Variants in FZD6 observed in about 807,000 individuals in gnomAD.
FZD6 encodes the protein frizzled class receptor 6, also known as frizzled-6.
In FZD6, 49 loss-of-function variants were observed where a neutral mutation model predicts 61.4. That is an observed-to-expected ratio of 0.80 (90% CI 0.63 to 1.01). The LOEUF is 1.01. Among genes scored for constraint, FZD6 ranks in the 50% least tolerant of loss-of-function variants. The pLI is 0.00. For missense variants in FZD6, 724 were observed against 848.2 expected, an observed-to-expected ratio of 0.85 and a Z score of 1.82; for synonymous variants, 265 against 292.2, an observed-to-expected ratio of 0.91 and a Z score of 0.95.
At chr8:103,298,824 C>A, upstream of FZD6, 1 of 163,174 alleles carries the variant, frequency 6.1e-6, no homozygotes, top group Non-Finnish European at 1.3e-5. Context: ...CCCGGACCTG[C>A]CCGCCCGACC....
intron 2 of FZD6, among the ~76,000 whole-genome samples, chr8:103,301,402 A>G (rs1008507753): frequency 7.9e-5 from 12 of 152,230 alleles, no homozygotes; most frequent in Non-Finnish European, 1.6e-4. Flanking sequence ...TGATGGTTCA[A>G]TCTGATTCAA....
At chr8:103,319,565 T>C (rs1814723492) in intron 3 of FZD6, among the ~76,000 whole-genome samples, 1 of 152,214 alleles carries the variant, frequency 6.6e-6, no homozygotes, top group African/African-American at 2.4e-5. Context: ...CCTCCAACTC[T>C]GTCAGCCAGG....
chr8:103,314,078 G>A (rs766983283), intron 2 of FZD6, among the ~76,000 whole-genome samples: 11 of 152,032 alleles, frequency 7.2e-5, no homozygotes, highest in Non-Finnish European at 1.5e-4. Flanking sequence ...ACACAGTGCA[G>A]GAACATCAAC....
chr8:103,323,276 T>C (rs1814845451), intron 3 of FZD6, among the ~76,000 whole-genome samples: 1 of 152,192 alleles, frequency 6.6e-6, no homozygotes. Context: ...TATAATGTTA[T>C]ATTGCTTTAT....
intron 3 of FZD6, among the ~76,000 whole-genome samples, chr8:103,321,399 A>C (rs1398724293): frequency 2.0e-5 from 3 of 152,202 alleles, no homozygotes; most frequent in Non-Finnish European, 4.4e-5. Flanking sequence ...ATACTGGAGA[A>C]TATTTTTTCA....
At chr8:103,314,895 A>G (rs11998144) in intron 2 of FZD6, among the ~76,000 whole-genome samples, 9,870 of 152,244 alleles carry the variant, frequency 0.065, 422 homozygotes, top group African/African-American at 0.11. Context: ...TTTAAGGTGT[A>G]TACAGTGCTC....
intron 2 of FZD6, among the ~76,000 whole-genome samples, chr8:103,304,396 A>C (rs1814270337): frequency 6.6e-6 from 1 of 152,228 alleles, no homozygotes; most frequent in African/African-American, 2.4e-5. Context: ...ATGCAAGCTC[A>C]CAGACTCCTA....
intron 3 of FZD6, among the ~76,000 whole-genome samples, chr8:103,322,383 A>T (rs1008326737): frequency 6.6e-6 from 1 of 151,830 alleles, no homozygotes; most frequent in East Asian, 1.9e-4. Context: ...AAAAAAAAAA[A>T]AAAAAAAGAA....
At chr8:103,330,801 A>G (rs1403407379) in intron 6 of FZD6, among the ~76,000 whole-genome samples, 1 of 152,316 alleles carries the variant, frequency 6.6e-6, no homozygotes, top group Non-Finnish European at 1.5e-5. Context: ...GCCTTATTCT[A>G]TTCCCCACAA....
intron 2 of FZD6, among the ~76,000 whole-genome samples, chr8:103,311,681 TA>T (rs34828148): frequency 0.23 from 28,480 of 124,360 alleles, 3,151 homozygotes; most frequent in Middle Eastern, 0.34. Context: ...ACCTGTCTCT[TA>T]AAAAAAAAAA....
At chr8:103,302,229 G>T (rs1023888242) in intron 2 of FZD6, among the ~76,000 whole-genome samples, 1 of 151,958 alleles carries the variant, frequency 6.6e-6, no homozygotes, top group Non-Finnish European at 1.5e-5. Flanking sequence ...ATACTATTGT[G>T]TTTTTCCTAC....
intron 2 of FZD6, among the ~76,000 whole-genome samples, chr8:103,305,354 TA>T (rs1394194420): frequency 6.6e-6 from 1 of 152,238 alleles, no homozygotes; most frequent in Non-Finnish European, 1.5e-5. Flanking sequence ...TTCCACCTGT[TA>T]ATATGTGCTG....
chr8:103,309,329 G>A (rs756959545), intron 2 of FZD6, among the ~76,000 whole-genome samples: 23 of 152,198 alleles, frequency 1.5e-4, no homozygotes, highest in Non-Finnish European at 2.5e-4. Flanking sequence ...GAAAGAACTG[G>A]CTAGCTTAGA....
In FZD6 at chr8:103,331,337, C is replaced by A; in HGVS notation, c.1953-4C>A. ...TGTGTGTCAACTTTTTTTCTTTTAT[C>A]TAGGATTAGTCCAAAGAGTGATATT... On this transcript the variant is annotated splice_region_variant and splice_polypyrimidine_tract_variant and intron_variant, in intron 6 of 6. Transcript: ENST00000358755. 1 of 1,607,292 alleles carries A rather than the reference C, an allele frequency of 6.2e-7. No individual in the cohort carries two copies. Among genetic ancestry groups the A allele is most frequent in the African/African-American group, 1.3e-5 (1 of 74,834 alleles).
At chr8:103,298,838 C>T, upstream of FZD6, 1 of 165,884 alleles carries the variant, frequency 6.0e-6, no homozygotes, top group Non-Finnish European at 1.3e-5. Flanking sequence ...CCCGACCTGG[C>T]GGCGCAGTCT....
rs557014881 is a variant in FZD6 at position 103,306,576 on chromosome 8, C to T, written c.177+6292C>T. Among the ~76,000 whole-genome samples, 384 of 141,032 alleles carry T rather than the reference C, an allele frequency of 2.7e-3. 3 individuals carry two copies. The highest frequency in any genetic ancestry group is 9.5e-3 in the African/African-American group (364 of 38,278). 92.5% of individuals were successfully genotyped at this position (141,032 alleles called of 152,430 possible). On this transcript the variant is annotated intron_variant, in intron 2 of 6. Transcript: ENST00000358755. ...TGGAGTGCAGTGGCGCCATCTCGCT[C>T]ACTGCAAGCTCCCTCTCCTGGGTTC...
chr8:103,304,907 G>GT (rs1235747129), intron 2 of FZD6, among the ~76,000 whole-genome samples: 2 of 152,244 alleles, frequency 1.3e-5, no homozygotes, highest in Non-Finnish European at 2.9e-5. Context: ...TGGTTCTTTA[G>GT]TTTTGTTTCA....
intron 2 of FZD6, among the ~76,000 whole-genome samples, chr8:103,306,520 T>C (rs1814333580): frequency 6.9e-6 from 1 of 144,712 alleles, no homozygotes; most frequent in Admixed American, 6.9e-5. Context: ...TTTTTTTTTT[T>C]TGAGACAGAG....
chr8:103,303,299 C>T (rs1352608884), intron 2 of FZD6, among the ~76,000 whole-genome samples: 2 of 152,164 alleles, frequency 1.3e-5, no homozygotes, highest in East Asian at 1.9e-4. Flanking sequence ...TCTGGTGAGC[C>T]GTCTGTCTAC....
Sources: gnomAD v4.1 joint callset for allele counts (sites outside exome capture counted in the v4.1 genomes callset) on GRCh38, gnomAD v4.1.1 for gene constraint, MANE v1.5 for transcripts, NCBI Gene and HGNC (gene_info 2026-07-23, HGNC 2026-07-21) for gene names.